TMCC1: variants seen among roughly 807,000 people sequenced by gnomAD.
TMCC1 encodes the protein transmembrane and coiled-coil domain family 1.
In TMCC1, 15 loss-of-function variants were observed where a neutral mutation model predicts 52.4. The observed-to-expected ratio is 0.29, with a 90% CI of 0.19 to 0.44. The LOEUF is 0.44. Among genes scored for constraint, TMCC1 ranks in the 20% least tolerant of loss-of-function variants. The pLI, the probability that TMCC1 is intolerant of heterozygous loss-of-function variation, is 1.00. For missense variants in TMCC1, 503 were observed against 806.0 expected, an observed-to-expected ratio of 0.62 and a Z score of 4.55; for synonymous variants, 279 against 301.9, an observed-to-expected ratio of 0.92 and a Z score of 0.79.
At chr3:129,829,266 C>T (rs1215425014) in intron 3 of TMCC1, among the ~76,000 whole-genome samples, 1 of 151,972 alleles carries the variant, frequency 6.6e-6, no homozygotes, top group Non-Finnish European at 1.5e-5. Context: ...TAGTGTCATC[C>T]CTGACAGAAG....
intron 4 of TMCC1, among the ~76,000 whole-genome samples, chr3:129,825,082 C>A (rs377653845): frequency 6.6e-6 from 1 of 152,294 alleles, no homozygotes; most frequent in East Asian, 1.9e-4. Flanking sequence ...AATGTCCTGT[C>A]AGGCATCCAT....
chr3:129,838,477 T>G lies in TMCC1; in HGVS notation c.-183-5651A>C, dbSNP rs532407219. Among the ~76,000 whole-genome samples, 13 of 151,858 alleles carry G rather than the reference T, an allele frequency of 8.6e-5. No homozygotes were observed. In the South Asian group the frequency reaches 2.7e-3, roughly 32 times the overall value. ...GCCAAACAATACCAAAAAAGGGGGC[T>G]GGGCACGGTGGCTCATGCCTGTAAT... On this transcript the variant is annotated intron_variant, in intron 2 of 6. Coordinates refer to ENST00000393238, the MANE Select transcript of TMCC1 (RefSeq NM_001017395.5).
chr3:129,714,373 A>T (rs1162338733), intron 4 of TMCC1, among the ~76,000 whole-genome samples: 1 of 152,220 alleles, frequency 6.6e-6, no homozygotes, highest in Non-Finnish European at 1.5e-5. Context: ...TGACTGTGCC[A>T]GCTCCAGGTA....
intron 5 of TMCC1, among the ~76,000 whole-genome samples, chr3:129,665,114 T>C (rs764812499): frequency 1.3e-5 from 2 of 152,220 alleles, no homozygotes; most frequent in Non-Finnish European, 2.9e-5. Context: ...CCCAAATACA[T>C]GATCTCACTC....
At chr3:129,701,986 T>A (rs1050433300) in intron 4 of TMCC1, among the ~76,000 whole-genome samples, 4 of 152,110 alleles carry the variant, frequency 2.6e-5, no homozygotes, top group South Asian at 2.1e-4. Context: ...AAAAATTTTT[T>A]AAAAATAAAA....
intron 4 of TMCC1, among the ~76,000 whole-genome samples, chr3:129,769,457 T>A (rs1436629189): frequency 6.6e-6 from 1 of 152,024 alleles, no homozygotes. Flanking sequence ...CTCGAACTCA[T>A]GACCTCAGGT....
At chr3:129,859,649 CAT>C (rs1433358589) in intron 2 of TMCC1, among the ~76,000 whole-genome samples, 5 of 26,660 alleles carry the variant, frequency 1.9e-4, no homozygotes, top group African/African-American at 5.8e-4. Flanking sequence ...AACACACACA[CAT>C]ACACACACAC....
chr3:129,792,180 AT>A (rs1560428845), intron 4 of TMCC1, among the ~76,000 whole-genome samples: 1 of 149,014 alleles, frequency 6.7e-6, no homozygotes, highest in African/African-American at 2.5e-5. Flanking sequence ...AACTGTATAT[AT>A]ATATATACAT....
In TMCC1 at chr3:129,651,927, G is replaced by A. The variant is rs2086357118; in HGVS notation, c.1648-132C>T. ...TTATAAATATGCTGGAGCCTTGAATGAATGTAAAAGGCTAGATGTATAACT... is the reference window on the plus strand; with the variant it reads ...TTATAAATATGCTGGAGCCTTGAATAAATGTAAAAGGCTAGATGTATAACT... On this transcript the variant is annotated intron_variant, in intron 6 of 6. Transcript: ENST00000393238. The surrounding 1 kb of genome is among the most constrained non-coding windows in gnomAD (Gnocchi z 5.1). The A allele has an allele frequency of 5.0e-6, 5 of 1,002,282 alleles. No individual in the cohort carries two copies. The highest frequency in any genetic ancestry group is 1.4e-6 in the Non-Finnish European group (1 of 704,070). The allele number at this position is 1,002,282 out of a possible 1,614,324, so 62.1% of individuals were successfully genotyped here. A position where few individuals can be genotyped will look rare whatever the true frequency, so the allele number is the denominator to read the frequency against.
At chr3:129,683,600 GA>G (rs1481358191) in intron 4 of TMCC1, among the ~76,000 whole-genome samples, 1 of 152,124 alleles carries the variant, frequency 6.6e-6, no homozygotes, top group East Asian at 1.9e-4. Context: ...GTTTTTCATA[GA>G]TTTAGGGGGT....
intron 4 of TMCC1, among the ~76,000 whole-genome samples, chr3:129,760,496 T>TGTGTGTGTGTGTGTG (rs1560353306): frequency 4.5e-5 from 3 of 67,064 alleles, no homozygotes; most frequent in African/African-American, 1.1e-4. Flanking sequence ...GTGTGTGTGT[T>TGTGTGTGTGTGTGTG]TTTGAGACAG....
chr3:129,799,936 C>A (rs530416009), intron 4 of TMCC1, among the ~76,000 whole-genome samples: 69 of 152,282 alleles, frequency 4.5e-4, no homozygotes, highest in Non-Finnish European at 8.5e-4. Context: ...TATATACACA[C>A]ACTCACAGCC....
chr3:129,875,775 C>A (rs531232157), intron 2 of TMCC1, among the ~76,000 whole-genome samples: 12 of 152,190 alleles, frequency 7.9e-5, no homozygotes, highest in Non-Finnish European at 8.8e-5. Context: ...CACCCACCCA[C>A]TTTGGTTATT....
At chr3:129,765,214 T>C (rs1330869125) in intron 4 of TMCC1, among the ~76,000 whole-genome samples, 2 of 151,716 alleles carry the variant, frequency 1.3e-5, no homozygotes, top group East Asian at 3.8e-4. Flanking sequence ...ATATATGATA[T>C]TGAGCAAGGG....
At chr3:129,707,341 A>C (rs138950047) in intron 4 of TMCC1, among the ~76,000 whole-genome samples, 13 of 152,362 alleles carry the variant, frequency 8.5e-5, no homozygotes, top group Admixed American at 7.2e-4. Context: ...TGAGAATTGA[A>C]AGGGACCTTA....
At chr3:129,859,073 T>C (rs1047508915) in intron 2 of TMCC1, among the ~76,000 whole-genome samples, 1 of 152,152 alleles carries the variant, frequency 6.6e-6, no homozygotes, top group Admixed American at 6.5e-5. Flanking sequence ...TTGTAGGCCA[T>C]AGCTAAAAAT....
chr3:129,674,522 T>C (rs1308769943), intron 4 of TMCC1, among the ~76,000 whole-genome samples: 3 of 150,954 alleles, frequency 2.0e-5, no homozygotes, highest in Admixed American at 6.6e-5. Flanking sequence ...GAGAGGAGAA[T>C]GATGGAGTGA....
chr3:129,850,348 T>C (rs1441237570), intron 2 of TMCC1, among the ~76,000 whole-genome samples: 1 of 152,214 alleles, frequency 6.6e-6, no homozygotes, highest in Admixed American at 6.5e-5. Flanking sequence ...CACACTGATG[T>C]TAACAGTATC....
chr3:129,654,900 C>A, intron 6 of TMCC1, 68 bp downstream of exon 6: 1 of 1,564,616 alleles, frequency 6.4e-7, no homozygotes, highest in Non-Finnish European at 8.6e-7. Context: ...TTTTTTCCTT[C>A]CGCTGTTTTC....
Sources: gnomAD v4.1 joint callset for allele counts (sites outside exome capture counted in the v4.1 genomes callset) on GRCh38, gnomAD v4.1.1 for gene constraint, Gnocchi (gnomAD v3.1) non-coding constraint, MANE v1.5 for transcripts, NCBI Gene and HGNC (gene_info 2026-07-23, HGNC 2026-07-21) for gene names.